LEPR: variants seen among roughly 807,000 people sequenced by gnomAD.
The protein encoded by LEPR is leptin receptor.
In LEPR, 56 loss-of-function variants were observed where a neutral mutation model predicts 114.7. The ratio of observed to expected loss-of-function variants is 0.49; its 90% CI spans 0.39 to 0.61. The LOEUF (loss-of-function observed/expected upper bound fraction) is 0.61, where lower values mean the gene tolerates loss of function less well. LEPR is among the 20% of genes least tolerant of loss of function. The pLI, the probability that LEPR is intolerant of heterozygous loss-of-function variation, is 0.00. For synonymous variants in LEPR, 443 were observed against 461.4 expected, an observed-to-expected ratio of 0.96 and a Z score of 0.51; for missense variants, 1,202 against 1,352.9, an observed-to-expected ratio of 0.89 and a Z score of 1.75.
intron 2 of LEPR, among the ~76,000 whole-genome samples, chr1:65,472,160 T>G (rs1647092148): frequency 6.6e-6 from 1 of 151,996 alleles, no homozygotes; most frequent in South Asian, 2.1e-4. Flanking sequence ...CAAAACATCA[T>G]GTATCTAGAA....
intron 2 of LEPR, among the ~76,000 whole-genome samples, chr1:65,469,855 G>A (rs900975078): frequency 1.3e-5 from 2 of 152,102 alleles, no homozygotes; most frequent in Admixed American, 6.5e-5. Flanking sequence ...AGTGCCTCTT[G>A]ACCCTCCAAG....
intron 2 of LEPR, chr1:65,430,037 C>T (rs746314508): frequency 5.1e-6 from 8 of 1,556,434 alleles, no homozygotes; most frequent in East Asian, 4.6e-5. Flanking sequence ...TATTCTTGCT[C>T]GTGTGGCTGT....
At chr1:65,445,163 TTA>T (rs1646697878) in intron 2 of LEPR, among the ~76,000 whole-genome samples, 1 of 152,192 alleles carries the variant, frequency 6.6e-6, no homozygotes, top group Admixed American at 6.5e-5. Flanking sequence ...ACAGTTTACC[TTA>T]TCTATGGCTG....
chr1:65,618,718 TATC>T (rs1361954206), intron 16 of LEPR, among the ~76,000 whole-genome samples: 2 of 151,708 alleles, frequency 1.3e-5, no homozygotes, highest in African/African-American at 4.9e-5. Flanking sequence ...TATCCTATCA[TATC>T]ATATCAATTT....
chr1:65,434,130 T>A (rs1646525980), intron 2 of LEPR: 1 of 984,008 alleles, frequency 1.0e-6, no homozygotes, highest in South Asian at 4.7e-5. Flanking sequence ...TATAAAGTAC[T>A]TGCATATAGA....
Position 65,633,866 on chromosome 1 carries a change from A to T in LEPR, c.2674-2325A>T, listed in dbSNP as rs1394894844. Reference sequence around the variant, plus strand: ...TTTGTGCTGCCCACAGGACAGTGGGAGTTACAGTTCATATCAGGATGACCC... The same window carrying T: ...TTTGTGCTGCCCACAGGACAGTGGGTGTTACAGTTCATATCAGGATGACCC... On this transcript the variant is annotated intron_variant, in intron 19 of 19. Coordinates refer to ENST00000349533, the MANE Select transcript of LEPR (RefSeq NM_002303.6). This position sits in a 1 kb window ranked among gnomAD's most constrained non-coding sequence, Gnocchi z 4.1. The T allele has an allele frequency of 1.0e-6, 1 of 985,272 alleles. No individual in the cohort carries two copies. Among genetic ancestry groups the T allele is most frequent in the Admixed American group, 6.2e-5 (1 of 16,244 alleles). 61.0% of individuals were successfully genotyped at this position (985,272 alleles called of 1,614,324 possible). A position where few individuals can be genotyped will look rare whatever the true frequency, so the allele number is the denominator to read the frequency against.
chr1:65,631,960 C>T (rs529315900), intron 19 of LEPR, among the ~76,000 whole-genome samples: 1 of 151,974 alleles, frequency 6.6e-6, no homozygotes, highest in Non-Finnish European at 1.5e-5. Context: ...TTTTCTCATT[C>T]TCTGTTTTTT....
At chr1:65,534,552 T>G (rs532669937) in intron 2 of LEPR, among the ~76,000 whole-genome samples, 1 of 152,144 alleles carries the variant, frequency 6.6e-6, no homozygotes. Context: ...AACAATAAAC[T>G]TAATAGAGTA....
At chr1:65,430,016 G>A (rs1646455849) in intron 2 of LEPR, 2 of 1,564,082 alleles carry the variant, frequency 1.3e-6, no homozygotes, top group Non-Finnish European at 1.7e-6. Context: ...TTCTGCCTTT[G>A]GATTTCCTGT....
chr1:65,567,111 T>C (rs1172060633), intron 3 of LEPR, among the ~76,000 whole-genome samples: 1 of 152,230 alleles, frequency 6.6e-6, no homozygotes, highest in Admixed American at 6.5e-5. Context: ...TGATAAGATA[T>C]GCCTTCAGAT....
intron 2 of LEPR, among the ~76,000 whole-genome samples, chr1:65,540,630 A>G (rs888535718): frequency 6.6e-6 from 1 of 152,202 alleles, no homozygotes; most frequent in Non-Finnish European, 1.5e-5. Flanking sequence ...ATGAACCAAA[A>G]TAAAACACTT....
intron 5 of LEPR, among the ~76,000 whole-genome samples, chr1:65,591,867 T>G (rs994081368): frequency 3.3e-5 from 5 of 151,990 alleles, no homozygotes; most frequent in African/African-American, 1.2e-4. Context: ...CTTATCCTAT[T>G]TTATTATTTG....
At chr1:65,452,025 A>T (rs1204184105) in intron 2 of LEPR, among the ~76,000 whole-genome samples, 155 of 126,096 alleles carry the variant, frequency 1.2e-3, no homozygotes, top group East Asian at 4.5e-3. Flanking sequence ...TAGGTATTTT[A>T]TTCTCTTTGA....
chr1:65,620,873 T>C (rs1321185412), intron 17 of LEPR, among the ~76,000 whole-genome samples: 1 of 152,200 alleles, frequency 6.6e-6, no homozygotes, highest in African/African-American at 2.4e-5. Context: ...AAGACATAAC[T>C]GTACAAATAG....
intron 2 of LEPR, among the ~76,000 whole-genome samples, chr1:65,532,985 A>G (rs1650508503): frequency 6.6e-6 from 1 of 152,240 alleles, no homozygotes; most frequent in Admixed American, 6.5e-5. Flanking sequence ...ACTTTATGAT[A>G]TATGAATAAT....
At position 65,633,153 on chromosome 1, in the gene LEPR, G is replaced by T; in HGVS notation, c.2674-3038G>T. On this transcript the variant is annotated intron_variant, in intron 19 of 19. Transcript: ENST00000349533. The surrounding 1 kb of genome is among the most constrained non-coding windows in gnomAD (Gnocchi z 4.1). ...TTTTGTTTTATTTTATCTAAACAGA[G>T]AACGGACATTCTTTGAAGTCTAATC... 1 of 1,588,016 alleles carries T rather than the reference G, an allele frequency of 6.3e-7. No homozygotes were observed. Among genetic ancestry groups the T allele is most frequent in the Non-Finnish European group, 8.6e-7 (1 of 1,158,448 alleles).
At position 65,634,531 on chromosome 1, in the gene LEPR, T is replaced by A. The variant is rs560167511; in HGVS notation, c.2674-1660T>A. The stretch of plus-strand genomic sequence containing the variant: ...TCACTGACAAAACATATTTCAATAG[T>A]ATATGAGTATGAGATTTCTTATCAA... On this transcript the variant is annotated intron_variant, in intron 19 of 19. Coordinates refer to ENST00000349533, the MANE Select transcript of LEPR (RefSeq NM_002303.6). 7.4e-6 allele frequency: 7 copies of A among 939,792 alleles called. No homozygotes were observed. The Admixed American group carries it at 1.9e-4, about 25-fold the overall frequency. The allele number at this position is 939,792 out of a possible 1,614,324, so 58.2% of individuals were successfully genotyped here. A position where few individuals can be genotyped will look rare whatever the true frequency, so the allele number is the denominator to read the frequency against.
At chr1:65,429,123 G>T (rs1383597908) in intron 2 of LEPR, among the ~76,000 whole-genome samples, 1 of 152,172 alleles carries the variant, frequency 6.6e-6, no homozygotes, top group African/African-American at 2.4e-5. Context: ...TTCAAAGAGG[G>T]TGGTATGTTC....
At chr1:65,621,787 G>A (rs1657901777) in intron 18 of LEPR, among the ~76,000 whole-genome samples, 1 of 152,088 alleles carries the variant, frequency 6.6e-6, no homozygotes, top group African/African-American at 2.4e-5. Flanking sequence ...AGTATGTATT[G>A]GTTTTAGGGT....
Sources: allele counts gnomAD v4.1 joint callset (sites outside exome capture counted in the v4.1 genomes callset), GRCh38; gene constraint gnomAD v4.1.1; non-coding constraint Gnocchi (gnomAD v3.1); transcripts MANE v1.5; gene names NCBI Gene and HGNC (gene_info 2026-07-23, HGNC 2026-07-21).